INSYN2B: variants seen among roughly 807,000 people sequenced by gnomAD.
The protein encoded by INSYN2B is inhibitory synaptic factor family member 2B, also known as protein INSYN2B.
Under a neutral mutation model 41.2 loss-of-function variants are expected in INSYN2B, and 16 were observed. The ratio of observed to expected loss-of-function variants is 0.39; its 90% CI spans 0.26 to 0.59. INSYN2B has a LOEUF of 0.59. Among genes scored for constraint, INSYN2B ranks in the 20% least tolerant of loss-of-function variants. The pLI, the probability that INSYN2B is intolerant of heterozygous loss-of-function variation, is 0.57. For synonymous variants in INSYN2B, 245 were observed against 244.4 expected, an observed-to-expected ratio of 1.00 and a Z score of -0.02; for missense variants, 608 against 646.4, an observed-to-expected ratio of 0.94 and a Z score of 0.64.
chr5:169,955,039 T>C (rs978940712), intron 1 of INSYN2B, among the ~76,000 whole-genome samples: 7 of 152,212 alleles, frequency 4.6e-5, no homozygotes, highest in African/African-American at 1.7e-4. Flanking sequence ...GTCACAGGTC[T>C]CCACCAGCCA....
At chr5:169,892,873 T>C (rs1773377518) in intron 1 of INSYN2B, among the ~76,000 whole-genome samples, 1 of 152,032 alleles carries the variant, frequency 6.6e-6, no homozygotes, top group African/African-American at 2.4e-5. Flanking sequence ...TTTTATTGTG[T>C]TTCCCTCTGT....
intron 1 of INSYN2B, among the ~76,000 whole-genome samples, chr5:169,932,118 G>A (rs1042872061): frequency 3.9e-5 from 6 of 152,182 alleles, no homozygotes; most frequent in Non-Finnish European, 7.3e-5. Context: ...GCTATATAGT[G>A]AGATAAAGTG....
At chr5:169,913,365 G>A (rs1774710385) in intron 1 of INSYN2B, among the ~76,000 whole-genome samples, 1 of 152,042 alleles carries the variant, frequency 6.6e-6, no homozygotes, top group Admixed American at 6.6e-5. Context: ...CTATATAGAA[G>A]CTCCCTAGAA....
At chr5:169,935,604 C>G (rs1055128864) in intron 1 of INSYN2B, among the ~76,000 whole-genome samples, 15 of 152,320 alleles carry the variant, frequency 9.8e-5, no homozygotes, top group Admixed American at 3.3e-4. Context: ...TTATCACGTC[C>G]TACCTACTTT....
chr5:169,897,191 G>GCT (rs1187718035), intron 1 of INSYN2B, among the ~76,000 whole-genome samples: 6 of 152,066 alleles, frequency 3.9e-5, no homozygotes, highest in African/African-American at 1.4e-4. Flanking sequence ...AGAAATGTGA[G>GCT]CTCTTTTTTT....
At chr5:169,931,936 C>A (rs1175716272) in intron 1 of INSYN2B, among the ~76,000 whole-genome samples, 12 of 152,176 alleles carry the variant, frequency 7.9e-5, no homozygotes, top group Non-Finnish European at 1.8e-4. Flanking sequence ...TTCACTCATT[C>A]ATGTATTCAA....
rs143723048 is a variant in INSYN2B at position 169,887,599 on chromosome 5, T to A, written c.-918-2783A>T. On this transcript the variant is annotated intron_variant, in intron 1 of 3. Coordinates refer to ENST00000377365, the MANE Select transcript of INSYN2B (RefSeq NM_001129891.3). The stretch of plus-strand genomic sequence containing the variant: ...AGTAGGCTAACATGAATTTGTCTAG[T>A]TATACAATTATCTATTTAAATAGTA... Among the ~76,000 whole-genome samples, 1,448 of 152,352 alleles carry A rather than the reference T, an allele frequency of 9.5e-3. 22 individuals carry two copies. Among genetic ancestry groups the A allele is most frequent in the African/African-American group, 0.033 (1,374 of 41,574 alleles).
chr5:169,899,003 G>A (rs1773771560), intron 1 of INSYN2B, among the ~76,000 whole-genome samples: 1 of 152,166 alleles, frequency 6.6e-6, no homozygotes, highest in Non-Finnish European at 1.5e-5. Flanking sequence ...AACAGGTCTG[G>A]TTTCAAACCT....
At chr5:169,900,185 G>T (rs2113574978) in intron 1 of INSYN2B, among the ~76,000 whole-genome samples, 1 of 152,288 alleles carries the variant, frequency 6.6e-6, no homozygotes, top group African/African-American at 2.4e-5. Context: ...AGGCAGCACG[G>T]TAAGACGCAA....
chr5:169,883,622 G>T lies in INSYN2B; in HGVS notation c.277C>A (p.Arg93Ser). 6.4e-7 allele frequency: 1 copy of T among 1,551,544 alleles called. No individual in the cohort carries two copies. Among genetic ancestry groups the T allele is most frequent in the South Asian group, 1.2e-5 (1 of 84,038 alleles). The change falls in exon 2 of 4, where the codon CGC becomes AGC. Residue 93 changes from arginine to serine, a missense_variant. Transcript: ENST00000377365. ...GGGGAAGTTTGGATTGCAATGTTGC[G>T]AAAGCCCCCTGCCTTCTGGGACCTG... Reference protein sequence around the residue: ...FPRSQKAGGFRNIAIQTSPSL... With the variant: ...FPRSQKAGGFSNIAIQTSPSL...
Position 169,883,594 on chromosome 5 carries a change from C to T in INSYN2B, c.305G>A (p.Ser102Asn). Residue 102 changes from serine to asparagine, a missense_variant, in exon 2 of 4, where the codon AGT becomes AAT. Coordinates refer to ENST00000377365, the MANE Select transcript of INSYN2B (RefSeq NM_001129891.3). ...FRNIAIQTSP[S>N]LRKHFPVFKR... ...GAAAACTGGGAAATGCTTCCTGAGACTGGGGGAAGTTTGGATTGCAATGTT... is the reference window on the plus strand; with the variant it reads ...GAAAACTGGGAAATGCTTCCTGAGATTGGGGGAAGTTTGGATTGCAATGTT... 1 of 1,551,636 alleles carries T rather than the reference C, an allele frequency of 6.4e-7. No individual in the cohort carries two copies. The highest frequency in any genetic ancestry group is 8.7e-7 in the Non-Finnish European group (1 of 1,146,950).
At chr5:169,978,215 C>T (rs963852031) in intron 1 of INSYN2B, among the ~76,000 whole-genome samples, 5 of 152,116 alleles carry the variant, frequency 3.3e-5, no homozygotes, top group African/African-American at 4.8e-5. Context: ...ACTCCCTCTG[C>T]GATCTCATCA....
intron 1 of INSYN2B, among the ~76,000 whole-genome samples, chr5:169,948,571 T>G (rs1294006664): frequency 6.6e-6 from 1 of 151,666 alleles, no homozygotes; most frequent in Non-Finnish European, 1.5e-5. Flanking sequence ...TATCCCTCCC[T>G]CCTTCCCTTC....
At chr5:169,967,395 A>G (rs1272947575) in intron 1 of INSYN2B, among the ~76,000 whole-genome samples, 1 of 152,240 alleles carries the variant, frequency 6.6e-6, no homozygotes, top group African/African-American at 2.4e-5. Context: ...AGGCAACAGC[A>G]TGTGGTCAGG....
At position 169,938,225 on chromosome 5, in the gene INSYN2B, C is replaced by CT. The variant is rs573891252; in HGVS notation, c.-919+42051dup. 7.8e-3 allele frequency among the ~76,000 whole-genome samples: 1,118 copies of CT among 143,334 alleles called. 11 individuals are homozygous for CT. Among genetic ancestry groups the CT allele is most frequent in the South Asian group, 0.047 (212 of 4,470 alleles). 94.0% of individuals were successfully genotyped at this position (143,334 alleles called of 152,430 possible). On this transcript the variant is annotated intron_variant, in intron 1 of 3. Transcript: ENST00000377365. ...AAAGAAATCTTTCTTTTTCTTTCTTCTTTTTTTTTTTTTTAGCACAAAAGT... is the reference window on the plus strand; with the variant it reads ...AAAGAAATCTTTCTTTTTCTTTCTTCTTTTTTTTTTTTTTTAGCACAAAAGT...
chr5:169,955,007 G>A (rs1394073793), intron 1 of INSYN2B, among the ~76,000 whole-genome samples: 1 of 152,232 alleles, frequency 6.6e-6, no homozygotes, highest in Non-Finnish European at 1.5e-5. Flanking sequence ...CCATGAGGAA[G>A]GCTCAAGGGA....
chr5:169,931,613 C>T (rs1775758653), intron 1 of INSYN2B, among the ~76,000 whole-genome samples: 1 of 152,336 alleles, frequency 6.6e-6, no homozygotes, highest in African/African-American at 2.4e-5. Context: ...GGCAAACTGA[C>T]ACAAGATCTC....
chr5:169,965,252 T>TGGGCCTAATACCCACCTGC (rs1777253818), intron 1 of INSYN2B, among the ~76,000 whole-genome samples: 1 of 152,252 alleles, frequency 6.6e-6, no homozygotes, highest in Admixed American at 6.5e-5. Flanking sequence ...CTGCAGATCT[T>TGGGCCTAATACCCACCTGC]AGAATCACAT....
At chr5:169,914,577 C>A (rs1397348797) in intron 1 of INSYN2B, among the ~76,000 whole-genome samples, 1 of 152,160 alleles carries the variant, frequency 6.6e-6, no homozygotes, top group Non-Finnish European at 1.5e-5. Flanking sequence ...TCTAATCTGG[C>A]CTGCACAGTG....
Sources: gnomAD v4.1 joint callset for allele counts (sites outside exome capture counted in the v4.1 genomes callset) on GRCh38, gnomAD v4.1.1 for gene constraint, MANE v1.5 for transcripts, NCBI Gene and HGNC (gene_info 2026-07-23, HGNC 2026-07-21) for gene names.